The following SSPN variants were observed in gnomAD, a reference collection of about 807,000 sequenced individuals.
The protein encoded by SSPN is K-ras oncogene-associated protein.
SSPN carries 15 observed loss-of-function variants against 19.1 expected under a neutral mutation model. The ratio of observed to expected loss-of-function variants is 0.78; its 90% CI spans 0.52 to 1.21. The LOEUF is 1.21. Among genes scored for constraint, SSPN ranks in the 50% most tolerant of loss-of-function variants. SSPN has a pLI of 0.00. For missense variants in SSPN, 291 were observed against 314.0 expected (o/e 0.93, Z 0.55); for synonymous variants, 147 against 140.3 (o/e 1.05, Z -0.34).
chr12:26,135,559 C>T (rs954820780), intron 1 of SSPN, among the ~76,000 whole-genome samples: 1 of 152,122 alleles, frequency 6.6e-6, no homozygotes, highest in Non-Finnish European at 1.5e-5. Context: ...TCAGTCGTGC[C>T]CTTGATAGGC....
chr12:26,229,848 T>C (rs184213763), intron 2 of SSPN, among the ~76,000 whole-genome samples: 202 of 152,322 alleles, frequency 1.3e-3, no homozygotes, highest in African/African-American at 4.6e-3. Flanking sequence ...TAGATTTTAT[T>C]GTGGCCATGT....
At chr12:26,227,470 T>G (rs780208183) in intron 2 of SSPN, among the ~76,000 whole-genome samples, 2 of 152,176 alleles carry the variant, frequency 1.3e-5, no homozygotes, top group Non-Finnish European at 2.9e-5. Flanking sequence ...GGTTCTAGCA[T>G]AAACGGTTTA....
At chr12:26,163,743 T>G (rs1318065603) in intron 1 of SSPN, among the ~76,000 whole-genome samples, 3 of 152,258 alleles carry the variant, frequency 2.0e-5, no homozygotes, top group Non-Finnish European at 1.5e-5. Context: ...AAATTAAGTT[T>G]CAACATGAAT....
Position 26,224,389 on chromosome 12 carries a change from G to T in SSPN, c.366+10G>T. ...TCAATTTTCTATGAAAGTAAGTTGTGATTGTTCTTTCTCTTTTATCATCAC... is the reference window on the plus strand; with the variant it reads ...TCAATTTTCTATGAAAGTAAGTTGTTATTGTTCTTTCTCTTTTATCATCAC... On this transcript the variant is annotated intron_variant, in intron 2 of 2. Coordinates refer to ENST00000242729, the MANE Select transcript of SSPN (RefSeq NM_005086.5). 6.3e-7 allele frequency: 1 copy of T among 1,596,644 alleles called. No homozygotes were observed.
intron 1 of SSPN, among the ~76,000 whole-genome samples, chr12:26,130,514 TTTTA>T (rs1232744189): frequency 1.3e-5 from 2 of 152,204 alleles, no homozygotes; most frequent in African/African-American, 4.8e-5. Flanking sequence ...GTATAAAACT[TTTTA>T]TTTAATAGCT....
intron 1 of SSPN, chr12:26,124,667 A>G: frequency 6.2e-7 from 1 of 1,613,702 alleles, no homozygotes; most frequent in Non-Finnish European, 8.5e-7. Context: ...GGAGAAGAAA[A>G]AAATCAAACC....
At chr12:26,176,337 G>A (rs190384803) in intron 1 of SSPN, among the ~76,000 whole-genome samples, 3 of 152,234 alleles carry the variant, frequency 2.0e-5, no homozygotes, top group African/African-American at 7.2e-5. Flanking sequence ...ATTTGATTAT[G>A]TGAGTCACAT....
chr12:26,188,151 G>A (rs760126701), intron 1 of SSPN, among the ~76,000 whole-genome samples: 5 of 152,170 alleles, frequency 3.3e-5, no homozygotes, highest in Non-Finnish European at 7.3e-5. Flanking sequence ...GCTTAGAGAG[G>A]TTAAGGAACA....
At chr12:26,218,111 T>C (rs1335367101) in intron 1 of SSPN, among the ~76,000 whole-genome samples, 1 of 149,098 alleles carries the variant, frequency 6.7e-6, no homozygotes, top group Non-Finnish European at 1.5e-5. Context: ...ATGTGGCACA[T>C]ATACACCATG....
At chr12:26,210,338 T>C (rs1372007136) in intron 1 of SSPN, among the ~76,000 whole-genome samples, 3 of 152,106 alleles carry the variant, frequency 2.0e-5, no homozygotes, top group African/African-American at 7.2e-5. Flanking sequence ...AATTTCTTAA[T>C]AGAATCAAAC....
At chr12:26,199,354 A>G (rs1944857890) in intron 1 of SSPN, among the ~76,000 whole-genome samples, 1 of 152,216 alleles carries the variant, frequency 6.6e-6, no homozygotes, top group Non-Finnish European at 1.5e-5. Context: ...AAGTCTTTTT[A>G]CTTTGATTAC....
chr12:26,131,233 A>G (rs1318278010), intron 1 of SSPN, among the ~76,000 whole-genome samples: 1 of 152,038 alleles, frequency 6.6e-6, no homozygotes, highest in East Asian at 1.9e-4. Context: ...AACTTAACTA[A>G]CTCCTTAAGC....
At chr12:26,187,333 C>T (rs1944760402) in intron 1 of SSPN, among the ~76,000 whole-genome samples, 1 of 152,238 alleles carries the variant, frequency 6.6e-6, no homozygotes, top group African/African-American at 2.4e-5. Context: ...AAAATGATGT[C>T]CAATACACCA....
At chr12:26,178,213 C>T (rs768347) in intron 1 of SSPN, among the ~76,000 whole-genome samples, 24,424 of 152,172 alleles carry the variant, frequency 0.16, 2,740 homozygotes, top group Admixed American at 0.35. Context: ...AGCCAGACCA[C>T]GTTGTTCAGA....
rs989179894 is a variant in SSPN, at chr12:26,168,278, A to G, written c.-31+46126A>G. Among the ~76,000 whole-genome samples, 5 of 152,202 alleles carry G rather than the reference A, an allele frequency of 3.3e-5. 1 individual carries two copies. In the East Asian group the frequency reaches 7.7e-4, roughly 23 times the overall value. On this transcript the variant is annotated intron_variant, in intron 1 of 2. Transcript: ENST00000538142. ...TTGTAAGATTACATATGTGATTGGC[A>G]CAGACACTAAAGGGAAGGGCACTAA...
At chr12:26,166,585 A>G (rs911390458) in intron 1 of SSPN, among the ~76,000 whole-genome samples, 11 of 152,260 alleles carry the variant, frequency 7.2e-5, no homozygotes, top group Admixed American at 6.5e-5. Flanking sequence ...ACGTTTTTAA[A>G]TGGTTGAAAT....
At chr12:26,230,468 T>C (rs972594901) in intron 2 of SSPN, among the ~76,000 whole-genome samples, 1 of 152,152 alleles carries the variant, frequency 6.6e-6, no homozygotes, top group Non-Finnish European at 1.5e-5. Context: ...TTGTCACAAC[T>C]CTTGAAAAGG....
upstream of SSPN, chr12:26,195,542 T>C: frequency 1.6e-6 from 2 of 1,280,470 alleles, no homozygotes; most frequent in Non-Finnish European, 2.0e-6. Flanking sequence ...GTGAGTCGGC[T>C]CCAAATGTTT....
At position 26,233,405 on chromosome 12, in the gene SSPN, A is replaced by G. The variant is rs1241501262; in HGVS notation, c.*2329A>G. 6.6e-6 allele frequency: 1 copy of G among 151,728 alleles called. No individual in the cohort carries two copies. The highest frequency in any genetic ancestry group is 2.4e-5 in the African/African-American group (1 of 41,166). The allele number at this position is 151,728 out of a possible 1,614,324, so 9.4% of individuals were successfully genotyped here. A position where few individuals can be genotyped will look rare whatever the true frequency, so the allele number is the denominator to read the frequency against. On this transcript the variant is annotated 3_prime_UTR_variant, in exon 3 of 3. Transcript: ENST00000242729. This position sits in a 1 kb window ranked among gnomAD's most constrained non-coding sequence, Gnocchi z 4.3. ...TATACATATATAAAATGGGGATATT[A>G]CTATTGTATGATTAAATCATTCTTA... is the stretch of plus-strand genomic sequence containing the variant.
Sources: gnomAD v4.1 joint callset for allele counts (sites outside exome capture counted in the v4.1 genomes callset) on GRCh38, gnomAD v4.1.1 for gene constraint, Gnocchi (gnomAD v3.1) non-coding constraint, MANE v1.5 for transcripts, NCBI Gene and HGNC (gene_info 2026-07-23, HGNC 2026-07-21) for gene names.